The following PPP2R2C variants were observed in gnomAD, a reference collection of about 807,000 sequenced individuals.
PPP2R2C encodes the protein protein phosphatase 2, regulatory subunit B, gamma.
PPP2R2C carries 10 observed loss-of-function variants against 45.3 expected under a neutral mutation model. That is an observed-to-expected ratio of 0.22 (90% CI 0.14 to 0.37). PPP2R2C has a LOEUF of 0.37. Ranked by LOEUF, PPP2R2C falls within the 10% of genes least tolerant of loss-of-function variation. PPP2R2C has a pLI of 1.00. For missense variants in PPP2R2C, 308 were observed against 619.7 expected (o/e 0.50, Z 5.34); for synonymous variants, 257 against 245.4 (o/e 1.05, Z -0.44).
At position 6,381,099 on chromosome 4, in the gene PPP2R2C, G is replaced by GA; in HGVS notation, c.71-6dup. ...CAACGGTAGAGATGATGTCAGCTGG[G>GA]AGGGGAACAGCAAGACGGGAAGGGG... On this transcript the variant is annotated splice_region_variant and splice_polypyrimidine_tract_variant and intron_variant, in intron 1 of 8. Coordinates refer to ENST00000382599, the MANE Select transcript of PPP2R2C (RefSeq NM_020416.4). The GA allele has an allele frequency of 6.3e-7, 1 of 1,575,000 alleles. No individual in the cohort carries two copies. The highest frequency in any genetic ancestry group is 8.6e-7 in the Non-Finnish European group (1 of 1,158,240).
At chr4:6,449,211 G>A (rs1204471224) in intron 1 of PPP2R2C, among the ~76,000 whole-genome samples, 2 of 152,148 alleles carry the variant, frequency 1.3e-5, no homozygotes, top group African/African-American at 4.8e-5. Context: ...CTGTGAATTC[G>A]CAGCACCGTG....
Position 6,368,061 on chromosome 4 carries a change from G to A in PPP2R2C, c.625+4462C>T, listed in dbSNP as rs1370528686. ...ACAGAGATCTGACACTGAGTTACAC[G>A]GCAGGGTGTGCGGCCAGGGATGTTC... is the stretch of plus-strand genomic sequence containing the variant. On this transcript the variant is annotated intron_variant, in intron 5 of 8. Coordinates refer to ENST00000382599, the MANE Select transcript of PPP2R2C (RefSeq NM_020416.4). This position sits in a 1 kb window ranked among gnomAD's most constrained non-coding sequence, Gnocchi z 4.2. Among the ~76,000 whole-genome samples the A allele has an allele frequency of 2.0e-5, 3 of 152,166 alleles. No individual in the cohort carries two copies. The highest frequency in any genetic ancestry group is 6.5e-5 in the Admixed American group (1 of 15,284).
At chr4:6,426,447 C>T (rs1455277058) in intron 1 of PPP2R2C, among the ~76,000 whole-genome samples, 1 of 152,206 alleles carries the variant, frequency 6.6e-6, no homozygotes, top group Non-Finnish European at 1.5e-5. Context: ...GTGTTCCTGG[C>T]TTCAGGAAGA....
chr4:6,391,421 C>T (rs569890620), intron 1 of PPP2R2C, among the ~76,000 whole-genome samples: 6 of 152,354 alleles, frequency 3.9e-5, no homozygotes, highest in South Asian at 2.1e-4. Context: ...CCTCTGCACA[C>T]GCGCTGGGCC....
intron 1 of PPP2R2C, among the ~76,000 whole-genome samples, chr4:6,470,976 G>A (rs1721843585): frequency 6.6e-6 from 1 of 150,660 alleles, no homozygotes; most frequent in South Asian, 2.1e-4. Context: ...CGCTCGCGCT[G>A]CGCTCCCCGG....
chr4:6,325,168 C>T (rs2109148614), intron 8 of PPP2R2C, among the ~76,000 whole-genome samples: 1 of 152,320 alleles, frequency 6.6e-6, no homozygotes, highest in East Asian at 1.9e-4. Context: ...GACATGCGCA[C>T]TCTCTTAGTT....
chr4:6,554,930 G>GGAAAGAAAGAAA (rs71173447), intron 1 of PPP2R2C, among the ~76,000 whole-genome samples: 12 of 116,192 alleles, frequency 1.0e-4, no homozygotes, highest in African/African-American at 3.5e-4. Context: ...AAGGAAGGAA[G>GGAAAGAAAGAAA]GAAAGAAAGA....
intron 2 of PPP2R2C, among the ~76,000 whole-genome samples, chr4:6,533,152 A>T (rs1724462996): frequency 6.6e-6 from 1 of 152,206 alleles, no homozygotes; most frequent in Admixed American, 6.5e-5. Context: ...GCTATTGAAG[A>T]ATTCACAATC....
chr4:6,409,102 C>T (rs937340323), intron 1 of PPP2R2C, among the ~76,000 whole-genome samples: 1 of 152,040 alleles, frequency 6.6e-6, no homozygotes, highest in East Asian at 1.9e-4. Context: ...TGTGTGTTCC[C>T]TGTGGCACCC....
chr4:6,491,688 C>T (rs1426824001), intron 2 of PPP2R2C, among the ~76,000 whole-genome samples: 7 of 152,186 alleles, frequency 4.6e-5, no homozygotes, highest in Admixed American at 3.9e-4. Context: ...AGACTTCTCC[C>T]TTGCTGTTCT....
chr4:6,496,499 A>G (rs1483720367), intron 2 of PPP2R2C, among the ~76,000 whole-genome samples: 1 of 152,234 alleles, frequency 6.6e-6, no homozygotes, highest in Non-Finnish European at 1.5e-5. Context: ...TGTTAGGGGA[A>G]GAAGAGCCAA....
rs548983671 is a variant in PPP2R2C, at chr4:6,408,930, C to T, written c.71-27836G>A. Among the ~76,000 whole-genome samples the T allele has an allele frequency of 1.1e-4, 14 of 125,316 alleles. No homozygotes were observed. In the South Asian group the frequency reaches 3.9e-3, roughly 35 times the overall value. 82.2% of individuals were successfully genotyped at this position (125,316 alleles called of 152,430 possible). ...TTCACATTTTATTTTAAATAAAATA[C>T]TTGTTGATTTTTTTAAACATTAAAA... On this transcript the variant is annotated intron_variant, in intron 1 of 8. Transcript: ENST00000382599.
intron 6 of PPP2R2C, among the ~76,000 whole-genome samples, chr4:6,334,097 C>T (rs1458402661): frequency 6.6e-6 from 1 of 152,180 alleles, no homozygotes; most frequent in Non-Finnish European, 1.5e-5. Flanking sequence ...GCAAAGGTGT[C>T]CTGACATTCT....
chr4:6,474,829 C>T (rs1399408636), upstream of PPP2R2C, among the ~76,000 whole-genome samples: 1 of 151,416 alleles, frequency 6.6e-6, no homozygotes, highest in Non-Finnish European at 1.5e-5. Flanking sequence ...AGGACTCTCC[C>T]TCAGCCCCCT....
rs540028524 is a variant in PPP2R2C, at chr4:6,439,955, C to T, written c.70+32205G>A. Among the ~76,000 whole-genome samples, 16 of 152,290 alleles carry T rather than the reference C, an allele frequency of 1.1e-4. No homozygotes were observed. In the South Asian group the frequency reaches 2.1e-3, roughly 20 times the overall value. On this transcript the variant is annotated intron_variant, in intron 1 of 8. Coordinates refer to ENST00000382599, the MANE Select transcript of PPP2R2C (RefSeq NM_020416.4). ...CCTGCCCTACGTCTTCACTTCACTG[C>T]GTAGAAAACTCTTGCTAAGCTCTTA...
intron 2 of PPP2R2C, among the ~76,000 whole-genome samples, chr4:6,511,714 A>G (rs1441835761): frequency 2.1e-4 from 3 of 14,494 alleles, no homozygotes; most frequent in Non-Finnish European, 3.2e-4. Context: ...GGTGGAGGTG[A>G]TGGTGGTGAT....
intron 1 of PPP2R2C, among the ~76,000 whole-genome samples, chr4:6,560,251 G>C (rs1725533755): frequency 6.6e-6 from 1 of 152,258 alleles, no homozygotes; most frequent in African/African-American, 2.4e-5. Context: ...GCCCACCCAG[G>C]CTCTTGGCTA....
chr4:6,399,505 C>G (rs1299866082), intron 1 of PPP2R2C, among the ~76,000 whole-genome samples: 2 of 152,190 alleles, frequency 1.3e-5, no homozygotes, highest in African/African-American at 4.8e-5. Flanking sequence ...TCTGATCCAC[C>G]CTAGCTTTGG....
chr4:6,423,747 G>A lies in PPP2R2C; in HGVS notation c.71-42653C>T, dbSNP rs543027738. 2.6e-5 allele frequency among the ~76,000 whole-genome samples: 4 copies of A among 152,330 alleles called. No individual in the cohort carries two copies. In the East Asian group the frequency reaches 7.7e-4, roughly 29 times the overall value. ...GTCAGTGGGAGGGAGCTAGAGGGTAGGAACCAGCTTGGTGTGTTTGAGGAA... is the reference window on the plus strand; with the variant it reads ...GTCAGTGGGAGGGAGCTAGAGGGTAAGAACCAGCTTGGTGTGTTTGAGGAA... On this transcript the variant is annotated intron_variant, in intron 1 of 8. Transcript: ENST00000382599.
Sources: allele counts gnomAD v4.1 joint callset (sites outside exome capture counted in the v4.1 genomes callset), GRCh38; gene constraint gnomAD v4.1.1; non-coding constraint Gnocchi (gnomAD v3.1); transcripts MANE v1.5; gene names NCBI Gene and HGNC (gene_info 2026-07-23, HGNC 2026-07-21).